LIMS1: variants seen among roughly 807,000 people sequenced by gnomAD.
LIMS1 encodes LIM zinc finger domain containing 1.
A neutral mutation model predicts 44.1 loss-of-function variants in LIMS1; 18 were observed. The ratio of observed to expected loss-of-function variants is 0.41; its 90% confidence interval spans 0.28 to 0.61. The LOEUF is 0.61. LIMS1 is among the 20% of genes least tolerant of loss of function. The probability of loss-of-function intolerance (pLI) is 0.32; values close to 1 mark genes in which losing one functional copy is unlikely to be tolerated. For missense variants in LIMS1, 201 were observed against 422.0 expected (o/e 0.48, Z 4.59); for synonymous variants, 93 against 149.1 (o/e 0.62, Z 2.74).
At chr2:108,561,746 G>GTTTTTTT (rs200154866) in intron 1 of LIMS1, among the ~76,000 whole-genome samples, 1 of 134,128 alleles carries the variant, frequency 7.5e-6, no homozygotes, top group African/African-American at 2.8e-5. Context: ...GTTTTTTTTT[G>GTTTTTTT]TTTTTTTTTT....
chr2:108,648,179 A>G (rs1040243977), intron 1 of LIMS1, among the ~76,000 whole-genome samples: 14 of 152,302 alleles, frequency 9.2e-5, no homozygotes, highest in African/African-American at 3.4e-4. Context: ...TAACAGACAA[A>G]CGGAGAGCCA....
intron 1 of LIMS1, among the ~76,000 whole-genome samples, chr2:108,544,502 T>G (rs1392245332): frequency 1.3e-5 from 2 of 152,162 alleles, no homozygotes; most frequent in Admixed American, 6.5e-5. Flanking sequence ...ATTATTTTAT[T>G]TATTTATTTT....
chr2:108,583,797 C>G (rs796913698), intron 1 of LIMS1, among the ~76,000 whole-genome samples: 1 of 145,928 alleles, frequency 6.9e-6, no homozygotes, highest in Admixed American at 7.2e-5. Context: ...TGGGTTCAAG[C>G]GATTGTCCTG....
At chr2:108,627,164 GCTGTA>G (rs1256292099) in intron 1 of LIMS1, among the ~76,000 whole-genome samples, 2 of 152,152 alleles carry the variant, frequency 1.3e-5, no homozygotes, top group African/African-American at 4.8e-5. Flanking sequence ...CATGTAATAG[GCTGTA>G]CTGTCTAGGT....
intron 1 of LIMS1, among the ~76,000 whole-genome samples, chr2:108,594,992 C>G (rs1686592869): frequency 6.6e-6 from 1 of 152,108 alleles, no homozygotes; most frequent in African/African-American, 2.4e-5. Context: ...AGCAGCTTCA[C>G]CTGAGATGGA....
intron 1 of LIMS1, among the ~76,000 whole-genome samples, chr2:108,535,479 G>A (rs1175296087): frequency 6.6e-6 from 1 of 152,210 alleles, no homozygotes; most frequent in Non-Finnish European, 1.5e-5. Context: ...ACACAGTTAC[G>A]TTAAAATTCC....
intron 1 of LIMS1, among the ~76,000 whole-genome samples, chr2:108,559,883 A>G (rs1314349355): frequency 6.6e-6 from 1 of 152,220 alleles, no homozygotes; most frequent in East Asian, 1.9e-4. Flanking sequence ...GAGCACAAAT[A>G]TTTATACCAC....
chr2:108,607,692 C>G (rs529455201), intron 1 of LIMS1, among the ~76,000 whole-genome samples: 2 of 152,132 alleles, frequency 1.3e-5, no homozygotes, highest in Non-Finnish European at 2.9e-5. Flanking sequence ...GTTTATATCC[C>G]TTAACTTTTC....
chr2:108,593,506 A>G (rs1217367682), intron 1 of LIMS1, among the ~76,000 whole-genome samples: 1 of 152,242 alleles, frequency 6.6e-6, no homozygotes, highest in South Asian at 2.1e-4. Context: ...GAAAAGGGAC[A>G]TAGACACAGA....
intron 1 of LIMS1, among the ~76,000 whole-genome samples, chr2:108,637,502 A>T (rs953754167): frequency 1.2e-4 from 19 of 152,304 alleles, no homozygotes; most frequent in African/African-American, 4.6e-4. Flanking sequence ...TGTTATTTAG[A>T]GCCAGATACT....
chr2:108,646,800 A>G (rs941974224), intron 1 of LIMS1, among the ~76,000 whole-genome samples: 2 of 152,100 alleles, frequency 1.3e-5, no homozygotes, highest in Non-Finnish European at 2.9e-5. Flanking sequence ...CCGCCTCCCG[A>G]GTTCATGCCA....
At chr2:108,550,521 AT>A (rs1684646933) in intron 1 of LIMS1, among the ~76,000 whole-genome samples, 1 of 149,280 alleles carries the variant, frequency 6.7e-6, no homozygotes, top group African/African-American at 2.5e-5. Flanking sequence ...ATAAAAAAAA[AT>A]AAATAAATAA....
chr2:108,642,338 TTTTGTTTTTTTTTTTTTTTGTTTTTTG>T (rs1689731574), intron 1 of LIMS1, among the ~76,000 whole-genome samples: 1 of 13,742 alleles, frequency 7.3e-5, no homozygotes, highest in African/African-American at 1.7e-4. Context: ...TACTAGTGTT[TTTTGTTTTTTTTTTTTTTTGTTTTTTG>T]TTTTTTTTTT....
intron 1 of LIMS1, among the ~76,000 whole-genome samples, chr2:108,641,401 A>T (rs1689656574): frequency 6.6e-6 from 1 of 152,218 alleles, no homozygotes; most frequent in African/African-American, 2.4e-5. Flanking sequence ...TAGCCTTCTC[A>T]CAATTACAAC....
intron 1 of LIMS1, among the ~76,000 whole-genome samples, chr2:108,572,621 T>C (rs1286369125): frequency 6.6e-6 from 1 of 152,106 alleles, no homozygotes; most frequent in Non-Finnish European, 1.5e-5. Flanking sequence ...CCTGACCTTG[T>C]GTTCCACCCG....
intron 1 of LIMS1, among the ~76,000 whole-genome samples, chr2:108,581,281 C>T (rs985227059): frequency 4.6e-5 from 7 of 152,282 alleles, no homozygotes; most frequent in Non-Finnish European, 8.8e-5. Context: ...TTAACCCCCG[C>T]CAGTCGTAAG....
chr2:108,638,085 A>G lies in LIMS1; in HGVS notation c.33-21520A>G, dbSNP rs527785494. On this transcript the variant is annotated intron_variant, in intron 1 of 9. Coordinates refer to ENST00000544547, the Ensembl canonical transcript of LIMS1. ...GGTCTCCAGCTCCTGAGCTCAAGTG[A>G]TCCTCCTGCCTCAGCCTCCCAAAGT... Among the ~76,000 whole-genome samples, 5 of 152,214 alleles carry G rather than the reference A, an allele frequency of 3.3e-5. No homozygotes were observed. The South Asian group carries it at 1.0e-3, about 32-fold the overall frequency.
At chr2:108,600,937 TTTC>T (rs1686981949) in intron 1 of LIMS1, among the ~76,000 whole-genome samples, 2 of 152,074 alleles carry the variant, frequency 1.3e-5, no homozygotes, top group Non-Finnish European at 2.9e-5. Context: ...TCTTCTCTTT[TTTC>T]TTCACTTTTC....
At chr2:108,543,432 T>C (rs568878529) in intron 1 of LIMS1, among the ~76,000 whole-genome samples, 4 of 152,168 alleles carry the variant, frequency 2.6e-5, no homozygotes, top group South Asian at 2.1e-4. Flanking sequence ...AAGGCTGGAG[T>C]GTAACAGAAA....
Sources: gnomAD v4.1 joint callset for allele counts (sites outside exome capture counted in the v4.1 genomes callset) on GRCh38, gnomAD v4.1.1 for gene constraint, MANE v1.5 for transcripts, NCBI Gene and HGNC (gene_info 2026-07-23, HGNC 2026-07-21) for gene names.